Variants in NADSYN1 observed in about 807,000 individuals in gnomAD.
The protein encoded by NADSYN1 is NAD synthetase 1.
Under a neutral mutation model 99.3 loss-of-function variants are expected in NADSYN1, and 80 were observed. The ratio of observed to expected loss-of-function variants is 0.81; its 90% CI spans 0.67 to 0.97. The LOEUF (loss-of-function observed/expected upper bound fraction) is 0.97. Among genes scored for constraint, NADSYN1 ranks in the 50% least tolerant of loss-of-function variants. The pLI is 0.00. For synonymous variants in NADSYN1, 385 were observed against 372.1 expected (o/e 1.03, Z -0.40); for missense variants, 859 against 948.5 (o/e 0.91, Z 1.24).
intron 18 of NADSYN1, chr11:71,496,352 C>G (rs1415631867): frequency 6.6e-6 from 1 of 152,314 alleles, no homozygotes; most frequent in African/African-American, 2.4e-5. Context: ...TTGGAGATGG[C>G]TTTGGGTTGA....
At chr11:71,454,892 C>T (rs1221322314) in intron 1 of NADSYN1, among the ~76,000 whole-genome samples, 6 of 94,576 alleles carry the variant, frequency 6.3e-5, no homozygotes, top group African/African-American at 1.5e-4. Flanking sequence ...CAGGTGCAGG[C>T]GTACTCGTGT....
At position 71,458,562 on chromosome 11, in the gene NADSYN1, T is replaced by C; in HGVS notation, c.263+18T>C. 6.4e-7 allele frequency: 1 copy of C among 1,566,840 alleles called. No homozygotes were observed. The highest frequency in any genetic ancestry group is 8.8e-7 in the Non-Finnish European group (1 of 1,136,454). ...GTGGGGATGTAAGTGCCAGTGTGAG[T>C]GTGGAAGGGCAAACCTGGGACAAAG... On this transcript the variant is annotated intron_variant, in intron 3 of 20. Transcript: ENST00000319023.
rs758161220 is a variant in NADSYN1, at chr11:71,464,063, C to A, written c.328C>A (p.Leu110Ile). ...RVIFLNRKILLIRPKMALANE... is the reference protein window; with the variant it reads ...RVIFLNRKILIIRPKMALANE... ...TTCCCCTGTCTGCAGGAAGATCCTG[C>A]TCATCAGACCCAAGATGGCCTTGGC... is the stretch of plus-strand genomic sequence containing the variant. Residue 110 changes from leucine to isoleucine, a missense_variant, in exon 5 of 21, where the codon CTC becomes ATC. Physicochemically the swap from Leu to Ile is conservative, Grantham distance 5. Transcript: ENST00000319023. 2 of 1,611,686 alleles carry A rather than the reference C, an allele frequency of 1.2e-6. No homozygotes were observed. The highest frequency in any genetic ancestry group is 1.7e-6 in the Non-Finnish European group (2 of 1,178,998).
intron 3 of NADSYN1, chr11:71,460,124 T>C (rs12807718): frequency 0.58 from 87,536 of 152,098 alleles, 27,584 homozygotes; most frequent in Non-Finnish European, 0.74. Flanking sequence ...GACCCTCCCT[T>C]TTATGGGGAC....
chr11:71,471,360 T>C (rs1279502471), intron 5 of NADSYN1, among the ~76,000 whole-genome samples: 1 of 152,114 alleles, frequency 6.6e-6, no homozygotes, highest in Non-Finnish European at 1.5e-5. Flanking sequence ...TAGTAAAGAG[T>C]ACTTGGCAGG....
chr11:71,494,187 G>T (rs942355254), intron 18 of NADSYN1, among the ~76,000 whole-genome samples: 1 of 152,162 alleles, frequency 6.6e-6, no homozygotes, highest in African/African-American at 2.4e-5. Context: ...CACCCAGAGC[G>T]GCTTCCAGTC....
Position 71,468,499 on chromosome 11 carries a change from T to C in NADSYN1, c.408-3950T>C, listed in dbSNP as rs191695623. Reference sequence around the variant, plus strand: ...AGGGTAGCCACTAAAAGAAAAGATATAGAACATATGATTGTCAAAATAGCA... The same window carrying C: ...AGGGTAGCCACTAAAAGAAAAGATACAGAACATATGATTGTCAAAATAGCA... On this transcript the variant is annotated intron_variant, in intron 5 of 20. Coordinates refer to ENST00000319023, the MANE Select transcript of NADSYN1 (RefSeq NM_018161.5). Among the ~76,000 whole-genome samples the C allele has an allele frequency of 9.9e-4, 150 of 152,184 alleles. 2 individuals carry two copies. The highest frequency in any genetic ancestry group is 3.4e-3 in the African/African-American group (140 of 41,506).
intron 18 of NADSYN1, among the ~76,000 whole-genome samples, chr11:71,495,258 C>T (rs1949811520): frequency 6.6e-6 from 1 of 152,214 alleles, no homozygotes; most frequent in Non-Finnish European, 1.5e-5. Context: ...TTCTGATTCC[C>T]TTGGTGACTT....
At chr11:71,462,699 C>T (rs1445465173) in intron 3 of NADSYN1, among the ~76,000 whole-genome samples, 1 of 152,220 alleles carries the variant, frequency 6.6e-6, no homozygotes, top group Non-Finnish European at 1.5e-5. Flanking sequence ...TGGAACTCCA[C>T]ACCATCCACA....
At chr11:71,465,367 C>T (rs1949580875) in intron 5 of NADSYN1, among the ~76,000 whole-genome samples, 1 of 152,202 alleles carries the variant, frequency 6.6e-6, no homozygotes, top group South Asian at 2.1e-4. Flanking sequence ...TCTCCATCCC[C>T]TGGTGCCAGT....
chr11:71,476,650 C>T (rs1949668245), intron 9 of NADSYN1: 8 of 985,952 alleles, frequency 8.1e-6, no homozygotes, highest in Non-Finnish European at 9.6e-6. Flanking sequence ...TCATTAACCG[C>T]GACAGAGCTG....
Position 71,497,558 on chromosome 11 carries a change from A to G in NADSYN1, c.1840A>G (p.Ser614Gly), listed in dbSNP as rs757475139. The change falls in exon 19 of 21, where the codon AGC becomes GGC. Residue 614 changes from serine (S) to glycine (G), a missense_variant. Ser to Gly is a moderately conservative substitution (Grantham distance 56). Coordinates refer to ENST00000319023, the MANE Select transcript of NADSYN1 (RefSeq NM_018161.5). ...GAAGGTGGCCAAGATGGGGCCCTACAGCATGTTCTGCAAACTCCTCGGCAT... is the reference window on the plus strand; with the variant it reads ...GAAGGTGGCCAAGATGGGGCCCTACGGCATGTTCTGCAAACTCCTCGGCAT... ...LRKVAKMGPY[S>G]MFCKLLGMWR... 1 of 1,614,186 alleles carries G rather than the reference A, an allele frequency of 6.2e-7. No individual in the cohort carries two copies. The highest frequency in any genetic ancestry group is 8.5e-7 in the Non-Finnish European group (1 of 1,180,028).
Position 71,501,436 on chromosome 11 carries a change from C to CT in NADSYN1, c.*85dup, listed in dbSNP as rs763471223. On this transcript the variant is annotated 3_prime_UTR_variant, in exon 21 of 21. Transcript: ENST00000319023. Reference sequence around the variant, plus strand: ...ATTGCTGGAGCCAAGGGTAGGAGCCCTACACTAGGAGCCCAGGATGGGACG... The same window carrying CT: ...ATTGCTGGAGCCAAGGGTAGGAGCCCTTACACTAGGAGCCCAGGATGGGACG... 27 of 1,363,132 alleles carry CT rather than the reference C, an allele frequency of 2.0e-5. No homozygotes were observed. The highest frequency in any genetic ancestry group is 2.5e-5 in the Non-Finnish European group (25 of 987,416). 84.4% of individuals were successfully genotyped at this position (1,363,132 alleles called of 1,614,324 possible). A position where few individuals can be genotyped will look rare whatever the true frequency, so the allele number is the denominator to read the frequency against.
intron 5 of NADSYN1, among the ~76,000 whole-genome samples, chr11:71,469,722 A>G (rs1223830794): frequency 6.6e-6 from 1 of 152,086 alleles, no homozygotes; most frequent in African/African-American, 2.4e-5. Flanking sequence ...GAAGCCAACA[A>G]CCTTCAGCAT....
intron 12 of NADSYN1, 126 bp downstream of exon 12, chr11:71,481,530 T>C (rs1949707940): frequency 2.1e-6 from 2 of 953,482 alleles, no homozygotes; most frequent in Non-Finnish European, 3.1e-6. Context: ...ATTTCATCAC[T>C]CTGCCTCCAT....
intron 3 of NADSYN1, among the ~76,000 whole-genome samples, chr11:71,462,110 C>CA (rs1261940530): frequency 6.6e-6 from 1 of 152,136 alleles, no homozygotes; most frequent in Non-Finnish European, 1.5e-5. Flanking sequence ...AGGGGCCCTC[C>CA]AAGGTTAACC....
At chr11:71,476,149 A>G (rs945497813) in intron 9 of NADSYN1, 1 of 455,632 alleles carries the variant, frequency 2.2e-6, no homozygotes, top group Non-Finnish European at 4.4e-6. Context: ...GAGCGTCTCC[A>G]CTCTCGGGCT....
intron 9 of NADSYN1, chr11:71,475,927 T>C: frequency 6.9e-6 from 3 of 432,156 alleles, no homozygotes; most frequent in South Asian, 4.9e-5. Context: ...TTGCCCCGGC[T>C]GGTCGCAAAC....
At position 71,473,276 on chromosome 11, in the gene NADSYN1, A is replaced by T. The variant is rs1949640659; in HGVS notation, c.460-2A>T. ...TCATGCACTCTTCTCTTCCGACTGC[A>T]GGAAACCGTACCCTTCGGAGATGCG... is the stretch of plus-strand genomic sequence containing the variant. On this transcript the variant is annotated splice_acceptor_variant, in intron 6 of 20. Transcript: ENST00000319023. LOFTEE classifies it high-confidence loss of function. 2 of 1,614,056 alleles carry T rather than the reference A, an allele frequency of 1.2e-6. No homozygotes were observed. Among genetic ancestry groups the T allele is most frequent in the Non-Finnish European group, 8.5e-7 (1 of 1,179,940 alleles).
Sources: gnomAD v4.1 joint callset for allele counts (sites outside exome capture counted in the v4.1 genomes callset) on GRCh38, gnomAD v4.1.1 for gene constraint, MANE v1.5 for transcripts, NCBI Gene and HGNC (gene_info 2026-07-23, HGNC 2026-07-21) for gene names.